The following TSC22D1 variants were observed in gnomAD, a reference collection of about 807,000 sequenced individuals.
TSC22D1 encodes the protein TSC22 domain family member 1.
TSC22D1 carries 9 observed loss-of-function variants against 74.2 expected under a neutral mutation model. The observed-to-expected ratio is 0.12, with a 90% CI of 0.07 to 0.21. The LOEUF (loss-of-function observed/expected upper bound fraction) is 0.21, where lower values mean the gene tolerates loss of function less well. Ranked by LOEUF, TSC22D1 falls within the 10% of genes least tolerant of loss-of-function variation. The probability of loss-of-function intolerance (pLI) is 1.00; values close to 1 mark genes in which losing one functional copy is unlikely to be tolerated. For synonymous variants in TSC22D1, 586 were observed against 492.5 expected (o/e 1.19, Z -2.51); for missense variants, 1,427 against 1,304.7 (o/e 1.09, Z -1.44).
At chr13:44,440,905 C>T (rs1875144197) in intron 1 of TSC22D1, among the ~76,000 whole-genome samples, 1 of 152,154 alleles carries the variant, frequency 6.6e-6, no homozygotes, top group African/African-American at 2.4e-5. Context: ...AGGAACAGAA[C>T]CACTTTGCTG....
intron 1 of TSC22D1, chr13:44,436,307 A>G (rs1395595020): frequency 2.1e-5 from 19 of 920,918 alleles, no homozygotes; most frequent in African/African-American, 3.3e-5. Context: ...ACAAAGGACT[A>G]AATTACATAA....
intron 1 of TSC22D1, among the ~76,000 whole-genome samples, chr13:44,492,645 C>G (rs532281805): frequency 5.9e-5 from 9 of 152,018 alleles, no homozygotes; most frequent in Admixed American, 1.3e-4. Context: ...TAAGCTCCCC[C>G]CTCCAAACAA....
At chr13:44,439,336 T>C (rs1265597002) in intron 1 of TSC22D1, among the ~76,000 whole-genome samples, 1 of 152,272 alleles carries the variant, frequency 6.6e-6, no homozygotes, top group South Asian at 2.1e-4. Context: ...TTTTCTCATA[T>C]ATTTCACATA....
chr13:44,452,100 A>G (rs901992729), intron 1 of TSC22D1, among the ~76,000 whole-genome samples: 6 of 152,230 alleles, frequency 3.9e-5, no homozygotes, highest in Non-Finnish European at 8.8e-5. Context: ...ACAGAAGAGG[A>G]GAACTTTGAA....
At chr13:44,513,033 T>C (rs1275212077) in intron 1 of TSC22D1, among the ~76,000 whole-genome samples, 1 of 152,230 alleles carries the variant, frequency 6.6e-6, no homozygotes, top group Non-Finnish European at 1.5e-5. Flanking sequence ...CCTAGTTGAC[T>C]TTCTCACCTC....
chr13:44,563,174 T>A (rs1883158390), intron 1 of TSC22D1, among the ~76,000 whole-genome samples: 1 of 152,182 alleles, frequency 6.6e-6, no homozygotes. Context: ...TTCAAACCTT[T>A]AAAACTGAGG....
chr13:44,494,439 T>G, intron 1 of TSC22D1, among the ~76,000 whole-genome samples: 2 of 127,384 alleles, frequency 1.6e-5, no homozygotes, highest in Admixed American at 8.4e-5. Flanking sequence ...ATACCTGTGG[T>G]CCCAGATACT....
At chr13:44,576,810 G>A (rs544808611), upstream of TSC22D1, among the ~76,000 whole-genome samples, 24 of 151,552 alleles carry the variant, frequency 1.6e-4, no homozygotes, top group South Asian at 6.2e-4. Flanking sequence ...AGAGACGCCG[G>A]GTCCTCGCGG....
chr13:44,484,589 G>A (rs1045238388), intron 1 of TSC22D1, among the ~76,000 whole-genome samples: 1 of 152,216 alleles, frequency 6.6e-6, no homozygotes, highest in South Asian at 2.1e-4. Context: ...GGCAGGAAAT[G>A]ATGGAAATTG....
chr13:44,568,484 A>G (rs1387938333), intron 1 of TSC22D1, among the ~76,000 whole-genome samples: 6 of 152,132 alleles, frequency 3.9e-5, no homozygotes, highest in African/African-American at 1.4e-4. Flanking sequence ...AGCCACACGG[A>G]AAAAGAATTT....
intron 1 of TSC22D1, among the ~76,000 whole-genome samples, chr13:44,564,461 T>G (rs1344236197): frequency 6.6e-6 from 1 of 152,156 alleles, no homozygotes; most frequent in African/African-American, 2.4e-5. Flanking sequence ...AAAAGTGAGT[T>G]TAGCTTTAAA....
intron 1 of TSC22D1, among the ~76,000 whole-genome samples, chr13:44,534,830 C>T (rs1031718000): frequency 6.6e-6 from 1 of 152,064 alleles, no homozygotes; most frequent in African/African-American, 2.4e-5. Flanking sequence ...TTGTACTTTC[C>T]TTTTGCTTTG....
chr13:44,434,194 C>CT lies in TSC22D1; in HGVS notation c.*431dup. 1 of 1,461,706 alleles carries CT rather than the reference C, an allele frequency of 6.8e-7. No homozygotes were observed. The allele number at this position is 1,461,706 out of a possible 1,614,324, so 90.5% of individuals were successfully genotyped here. On this transcript the variant is annotated 3_prime_UTR_variant, in exon 3 of 3. Coordinates refer to ENST00000458659, the MANE Select transcript of TSC22D1 (RefSeq NM_183422.4). ...TTTTTACCCTCCTTTCAAGTTCCTC[C>CT]TGGGGGGAGGAGAGGAGAGAGGCGA...
At position 44,537,054 on chromosome 13, in the gene TSC22D1, T is replaced by C. The variant is rs754361359; in HGVS notation, c.2912+36109A>G. On this transcript the variant is annotated intron_variant, in intron 1 of 2. Transcript: ENST00000458659. ...TACATTTAAAAATACTGTTGCAGTT[T>C]TCACTTTCTACTCCTGAAACAGAAA... The C allele has an allele frequency of 5.7e-4, 548 of 963,888 alleles. 1 individual carries two copies. The highest frequency in any genetic ancestry group is 6.0e-4 in the Non-Finnish European group (488 of 810,618). 59.7% of individuals were successfully genotyped at this position (963,888 alleles called of 1,614,324 possible). A position where few individuals can be genotyped will look rare whatever the true frequency, so the allele number is the denominator to read the frequency against.
intron 1 of TSC22D1, among the ~76,000 whole-genome samples, chr13:44,548,120 A>G (rs1881951563): frequency 6.6e-6 from 1 of 152,254 alleles, no homozygotes; most frequent in South Asian, 2.1e-4. Context: ...AAAGAACAGG[A>G]AATTCAAAAC....
At chr13:44,496,441 G>A (rs1329169569) in intron 1 of TSC22D1, among the ~76,000 whole-genome samples, 1 of 152,146 alleles carries the variant, frequency 6.6e-6, no homozygotes, top group Non-Finnish European at 1.5e-5. Context: ...CCAGCACTTT[G>A]GGAGGCCGAG....
rs760716785 is a variant in TSC22D1, at chr13:44,573,789, C to G, written c.2286G>C (p.Ser762=). 1.2e-6 allele frequency: 2 copies of G among 1,614,176 alleles called. No homozygotes were observed. Among genetic ancestry groups the G allele is most frequent in the African/African-American group, 1.3e-5 (1 of 75,050 alleles). The change falls in exon 1 of 3, where the codon TCG becomes TCC. Residue 762 remains serine (S), a synonymous_variant. Coordinates refer to ENST00000458659, the MANE Select transcript of TSC22D1 (RefSeq NM_183422.4). ...CAGTTTGAGCAGGTGGAACCACTTG[C>G]GAAGATGGAGGAGCACCCTGCTGAA... ...SVIQQGAPPS[S]QVVPPAQTGI...
chr13:44,574,771 G>C lies in TSC22D1; in HGVS notation c.1304C>G (p.Ala435Gly). 1 of 1,614,068 alleles carries C rather than the reference G, an allele frequency of 6.2e-7. No individual in the cohort carries two copies. Among genetic ancestry groups the C allele is most frequent in the Non-Finnish European group, 8.5e-7 (1 of 1,180,042 alleles). ...CAGCACACCTTCTGTAGCAGGTACA[G>C]CATTTTCTTTTTCATAGAACTCAGT... ...TCTEFYEKENAVPATEGVLIN... is the reference protein window; with the variant it reads ...TCTEFYEKENGVPATEGVLIN... Residue 435 changes from alanine to glycine, a missense_variant, in exon 1 of 3, where the codon GCT (alanine) becomes GGT (glycine). By Grantham distance (60) the Ala-to-Gly change is moderately conservative (BLOSUM62 0). Transcript: ENST00000458659.
chr13:44,455,936 A>G (rs945107246), intron 1 of TSC22D1, among the ~76,000 whole-genome samples: 3 of 149,850 alleles, frequency 2.0e-5, no homozygotes, highest in Non-Finnish European at 4.5e-5. Flanking sequence ...AACCTGAGCA[A>G]GCCGTAAAGA....
Sources: allele counts gnomAD v4.1 joint callset (sites outside exome capture counted in the v4.1 genomes callset), GRCh38; gene constraint gnomAD v4.1.1; transcripts MANE v1.5; gene names NCBI Gene and HGNC (gene_info 2026-07-23, HGNC 2026-07-21).